The following CACNA2D2 variants were observed in gnomAD, a reference collection of about 807,000 sequenced individuals.
CACNA2D2 encodes voltage-dependent calcium channel subunit alpha-2/delta-2.
A neutral mutation model predicts 166.4 loss-of-function variants in CACNA2D2; 48 were observed. The observed-to-expected ratio is 0.29, with a 90% CI of 0.23 to 0.37. The LOEUF is 0.37. Ranked by LOEUF, CACNA2D2 falls within the 10% of genes least tolerant of loss-of-function variation. The pLI is 1.00. For synonymous variants in CACNA2D2, 561 were observed against 573.7 expected, an observed-to-expected ratio of 0.98 and a Z score of 0.32; for missense variants, 1,122 against 1,433.0, an observed-to-expected ratio of 0.78 and a Z score of 3.50.
At position 50,365,449 on chromosome 3, in the gene CACNA2D2, C is replaced by T. The variant is rs777488651; in HGVS notation, c.3005G>A (p.Arg1002His). 1 of 1,613,602 alleles carries T rather than the reference C, an allele frequency of 6.2e-7. No homozygotes were observed. Among genetic ancestry groups the T allele is most frequent in the Non-Finnish European group, 8.5e-7 (1 of 1,179,872 alleles). Reference sequence around the variant, plus strand: ...CTGTTTCATGACGCAGCTGCTCTCGCGCGTCTCGGGGCTCCCCTCGGCCTC... The same window carrying T: ...CTGTTTCATGACGCAGCTGCTCTCGTGCGTCTCGGGGCTCCCCTCGGCCTC... ...PAEAEGSPET[R>H]ESSCVMKQTQ... The change falls in exon 35 of 38, where the codon CGC becomes CAC. Residue 1002 changes from arginine (R) to histidine (H), a missense_variant. Physicochemically the swap from Arg to His is conservative, Grantham distance 29 (BLOSUM62 0). Transcript: ENST00000424201. This position sits in a 1 kb window ranked among gnomAD's most constrained non-coding sequence, Gnocchi z 4.5.
Position 50,379,397 on chromosome 3 carries a change from C to A in CACNA2D2, c.1152+35G>T. On this transcript the variant is annotated intron_variant, in intron 11 of 37. Coordinates refer to ENST00000424201, the MANE Select transcript of CACNA2D2 (RefSeq NM_006030.4). This position sits in a 1 kb window ranked among gnomAD's most constrained non-coding sequence, Gnocchi z 6.5. Reference sequence around the variant, plus strand: ...TACACCAAGCCAGGGCCCTCTACTCCCCCAGCCGCCCACTTGCCCACCCAT... The same window carrying A: ...TACACCAAGCCAGGGCCCTCTACTCACCCAGCCGCCCACTTGCCCACCCAT... 1 of 1,607,926 alleles carries A rather than the reference C, an allele frequency of 6.2e-7. No individual in the cohort carries two copies. Among genetic ancestry groups the A allele is most frequent in the South Asian group, 1.1e-5 (1 of 90,602 alleles).
At chr3:50,388,033 C>T (rs762758228) in intron 4 of CACNA2D2, among the ~76,000 whole-genome samples, 1 of 152,224 alleles carries the variant, frequency 6.6e-6, no homozygotes, top group Non-Finnish European at 1.5e-5. Context: ...ATTAAAAAGC[C>T]TGCTCATTAC....
chr3:50,365,568 A>C lies in CACNA2D2; in HGVS notation c.2971+65T>G. ...CTCAGTCGTAGACCCCACCCTCCCC[A>C]TGGAGTCGTCTTAGCTCAGATTGGG... On this transcript the variant is annotated intron_variant, in intron 34 of 37. Transcript: ENST00000424201. The surrounding 1 kb of genome is among the most constrained non-coding windows in gnomAD (Gnocchi z 4.5). The C allele has an allele frequency of 1.3e-6, 2 of 1,581,670 alleles. No homozygotes were observed. The highest frequency in any genetic ancestry group is 2.3e-5 in the South Asian group (2 of 87,736).
intron 2 of CACNA2D2, among the ~76,000 whole-genome samples, chr3:50,454,464 T>A (rs1709258779): frequency 1.3e-5 from 2 of 151,816 alleles, no homozygotes; most frequent in South Asian, 2.1e-4. Flanking sequence ...CTCTGCCGAG[T>A]CCTTGCCTCT....
intron 1 of CACNA2D2, among the ~76,000 whole-genome samples, chr3:50,486,264 C>T (rs2107137850): frequency 6.6e-6 from 1 of 152,308 alleles, no homozygotes; most frequent in South Asian, 2.1e-4. Flanking sequence ...CCAGGAGCTA[C>T]AGCCTTCTGT....
At chr3:50,473,853 A>C (rs564971486) in intron 2 of CACNA2D2, among the ~76,000 whole-genome samples, 11 of 152,198 alleles carry the variant, frequency 7.2e-5, no homozygotes, top group Non-Finnish European at 1.0e-4. Context: ...GGCAGGAAGT[A>C]AGAGGCTGAA....
intron 1 of CACNA2D2, among the ~76,000 whole-genome samples, chr3:50,479,874 A>C (rs770231748): frequency 2.6e-5 from 4 of 152,128 alleles, no homozygotes; most frequent in Non-Finnish European, 5.9e-5. Flanking sequence ...CTGGCTCCCC[A>C]CATCTTTGTA....
chr3:50,448,944 C>T (rs1023934359), intron 2 of CACNA2D2, among the ~76,000 whole-genome samples: 1 of 152,182 alleles, frequency 6.6e-6, no homozygotes, highest in East Asian at 1.9e-4. Context: ...AGAGCCGCAG[C>T]GAAGCCCTCA....
chr3:50,388,013 A>C (rs748890808), intron 4 of CACNA2D2, among the ~76,000 whole-genome samples: 1 of 152,194 alleles, frequency 6.6e-6, no homozygotes, highest in African/African-American at 2.4e-5. Context: ...CGCATCTTCC[A>C]ATTTCTTCTA....
At chr3:50,393,409 C>T (rs1705982314) in intron 4 of CACNA2D2, among the ~76,000 whole-genome samples, 2 of 152,230 alleles carry the variant, frequency 1.3e-5, no homozygotes, top group Admixed American at 6.5e-5. Flanking sequence ...AGGAGGAGCC[C>T]TGCCTCCGTC....
Position 50,428,014 on chromosome 3 carries a change from TG to T in CACNA2D2, c.405+6298del, listed in dbSNP as rs372346525. Reference sequence around the variant, plus strand: ...TGGACTGAAGGGATCTTTCTCCTGCTGGCCCTTCTGCCTGCACCTCTCCGAG... The same window carrying T: ...TGGACTGAAGGGATCTTTCTCCTGCTGCCCTTCTGCCTGCACCTCTCCGAG... On this transcript the variant is annotated intron_variant, in intron 3 of 37. Transcript: ENST00000424201. Among the ~76,000 whole-genome samples, 6 of 152,318 alleles carry T rather than the reference TG, an allele frequency of 3.9e-5. No homozygotes were observed. In the East Asian group the frequency reaches 1.2e-3, roughly 29 times the overall value.
At chr3:50,437,377 G>A (rs560911333) in intron 2 of CACNA2D2, among the ~76,000 whole-genome samples, 5 of 152,298 alleles carry the variant, frequency 3.3e-5, no homozygotes, top group Non-Finnish European at 7.3e-5. Context: ...CTAGGGCAAG[G>A]CCAGGGAAAT....
At chr3:50,456,848 C>T (rs1174012217) in intron 2 of CACNA2D2, among the ~76,000 whole-genome samples, 3 of 152,208 alleles carry the variant, frequency 2.0e-5, no homozygotes, top group Admixed American at 6.5e-5. Context: ...CAGATCAGGA[C>T]CCAGATTCTG....
chr3:50,486,454 G>C (rs1237770000), intron 1 of CACNA2D2, among the ~76,000 whole-genome samples: 1 of 151,776 alleles, frequency 6.6e-6, no homozygotes, highest in Non-Finnish European at 1.5e-5. Flanking sequence ...GCTGTCCTCT[G>C]TATGAGTCCT....
intron 17 of CACNA2D2, among the ~76,000 whole-genome samples, chr3:50,377,130 A>C (rs1331532711): frequency 2.6e-5 from 4 of 152,256 alleles, no homozygotes; most frequent in Non-Finnish European, 4.4e-5. Flanking sequence ...TGAAATTCAA[A>C]TATCAGTATC....
chr3:50,429,592 CAAAAAAAAAAAAAA>C (rs1160685582), intron 3 of CACNA2D2, among the ~76,000 whole-genome samples: 2 of 52,648 alleles, frequency 3.8e-5, no homozygotes, highest in Non-Finnish European at 7.6e-5. Context: ...ACTAAAAATA[CAAAAAAAAAAAAAA>C]AAAAAAAAAA....
intron 5 of CACNA2D2, among the ~76,000 whole-genome samples, chr3:50,384,606 C>T (rs752816162): frequency 4.6e-5 from 7 of 151,954 alleles, no homozygotes; most frequent in Non-Finnish European, 5.9e-5. Context: ...ATTTTAAAAC[C>T]GAAAGGAAAC....
chr3:50,383,871 C>T (rs1159446216), intron 6 of CACNA2D2, among the ~76,000 whole-genome samples: 1 of 152,184 alleles, frequency 6.6e-6, no homozygotes, highest in Admixed American at 6.5e-5. Flanking sequence ...GGCAGGCGGG[C>T]ACTCAGTCCA....
At chr3:50,499,591 G>C (rs1405549558) in intron 1 of CACNA2D2, among the ~76,000 whole-genome samples, 4 of 152,118 alleles carry the variant, frequency 2.6e-5, no homozygotes, top group African/African-American at 9.7e-5. Context: ...CCAGGAGCTG[G>C]CAGTGTCCAC....
Sources: gnomAD v4.1 joint callset for allele counts (sites outside exome capture counted in the v4.1 genomes callset) on GRCh38, gnomAD v4.1.1 for gene constraint, Gnocchi (gnomAD v3.1) non-coding constraint, MANE v1.5 for transcripts, NCBI Gene and HGNC (gene_info 2026-07-23, HGNC 2026-07-21) for gene names.